Variants in C12orf75 observed in about 807,000 individuals in gnomAD.
C12orf75 encodes the protein overexpressed in colon carcinoma 1 protein.
C12orf75 carries 4 observed loss-of-function variants against 11.4 expected under a neutral mutation model. The observed-to-expected ratio is 0.35, with a 90% CI of 0.17 to 0.80. C12orf75 has a LOEUF of 0.80. Among genes scored for constraint, C12orf75 ranks in the 30% least tolerant of loss-of-function variants. The probability of loss-of-function intolerance (pLI) is 0.52; values close to 1 mark genes in which losing one functional copy is unlikely to be tolerated. For synonymous variants in C12orf75, 30 were observed against 30.0 expected (o/e 1.00, Z 0.00); for missense variants, 89 against 80.4 (o/e 1.11, Z -0.41).
chr12:105,356,215 A>G (rs536655125), intron 2 of C12orf75, among the ~76,000 whole-genome samples: 2 of 152,308 alleles, frequency 1.3e-5, no homozygotes, highest in African/African-American at 4.8e-5. Flanking sequence ...GTTATAAAGA[A>G]AATTAAATAA....
chr12:105,358,808 C>A (rs897906436), intron 2 of C12orf75, among the ~76,000 whole-genome samples: 3 of 152,180 alleles, frequency 2.0e-5, no homozygotes, highest in Non-Finnish European at 4.4e-5. Context: ...AATGGAATCA[C>A]TGCTCAGTAA....
At chr12:105,352,834 C>A (rs1892730069) in intron 2 of C12orf75, among the ~76,000 whole-genome samples, 1 of 152,130 alleles carries the variant, frequency 6.6e-6, no homozygotes, top group African/African-American at 2.4e-5. Flanking sequence ...TTGACAATGT[C>A]TAGAAACTTA....
Position 105,339,914 on chromosome 12 carries a change from C to T in C12orf75, c.47-8688C>T, listed in dbSNP as rs541176208. The stretch of plus-strand genomic sequence containing the variant: ...GGATTACAGGCGTGAGCCACCATGC[C>T]TGGCCCTTGTTTCTTTTAAAAGATA... On this transcript the variant is annotated intron_variant, in intron 1 of 5. Transcript: ENST00000443585. Among the ~76,000 whole-genome samples the T allele has an allele frequency of 4.6e-5, 7 of 152,166 alleles. No individual in the cohort carries two copies. The South Asian group carries it at 1.4e-3, about 32-fold the overall frequency.
At position 105,367,200 on chromosome 12, in the gene C12orf75, G is replaced by A. The variant is rs180711503; in HGVS notation, c.188-272G>A. On this transcript the variant is annotated intron_variant, in intron 4 of 5. Transcript: ENST00000443585. The stretch of plus-strand genomic sequence containing the variant: ...TTCTTGCTCAAGGCAATTTTTAAGC[G>A]AGGCTCATGGTAAACAATGCTGATT... Among the ~76,000 whole-genome samples the A allele has an allele frequency of 3.3e-5, 5 of 152,280 alleles. No individual in the cohort carries two copies. The East Asian group carries it at 7.7e-4, about 23-fold the overall frequency.
At position 105,330,752 on chromosome 12, in the gene C12orf75, G is replaced by C. The variant is rs1892409305; in HGVS notation, c.-140G>C. 2.3e-6 allele frequency: 2 copies of C among 851,614 alleles called. No individual in the cohort carries two copies. The highest frequency in any genetic ancestry group is 3.0e-6 in the Non-Finnish European group (2 of 657,914). The allele number at this position is 851,614 out of a possible 1,614,324, so 52.8% of individuals were successfully genotyped here. A position where few individuals can be genotyped will look rare whatever the true frequency, so the allele number is the denominator to read the frequency against. On this transcript the variant is annotated 5_prime_UTR_variant, in exon 1 of 6. Coordinates refer to ENST00000443585, the MANE Select transcript of C12orf75 (RefSeq NM_001145199.2). ...GGGCCGCGTCTCCCGGCGGTGGGAG[G>C]GGGCGGCCCCCACTCGGTTCCTGGC...
rs144310748 is a variant in C12orf75 at position 105,351,450 on chromosome 12, C to T, written c.71+2824C>T. Among the ~76,000 whole-genome samples, 715 of 152,134 alleles carry T rather than the reference C, an allele frequency of 4.7e-3. 13 individuals are homozygous for T. The highest frequency in any genetic ancestry group is 0.016 in the African/African-American group (662 of 41,518). ...GGAAAGGTCTGCAATTTTTACTACTCGTTTTTCTTATTTATTTGCTGTTTT... is the reference window on the plus strand; with the variant it reads ...GGAAAGGTCTGCAATTTTTACTACTTGTTTTTCTTATTTATTTGCTGTTTT... On this transcript the variant is annotated intron_variant, in intron 2 of 5. Coordinates refer to ENST00000443585, the MANE Select transcript of C12orf75 (RefSeq NM_001145199.2).
At chr12:105,346,790 A>G (rs1892646896) in intron 1 of C12orf75, among the ~76,000 whole-genome samples, 1 of 152,248 alleles carries the variant, frequency 6.6e-6, no homozygotes, top group Non-Finnish European at 1.5e-5. Flanking sequence ...TTTGGCAATA[A>G]CTTTACCCAC....
At chr12:105,340,285 C>T (rs896373332) in intron 1 of C12orf75, among the ~76,000 whole-genome samples, 11 of 151,982 alleles carry the variant, frequency 7.2e-5, no homozygotes, top group East Asian at 3.9e-4. Flanking sequence ...ATTAGCCGGG[C>T]GTGGTGGCAT....
At chr12:105,364,781 A>G (rs1871413650) in intron 2 of C12orf75, among the ~76,000 whole-genome samples, 1 of 151,712 alleles carries the variant, frequency 6.6e-6, no homozygotes, top group Non-Finnish European at 1.5e-5. Flanking sequence ...TGCTTCAAGG[A>G]AAGTGTCCTG....
At chr12:105,335,304 T>G (rs1438750893) in intron 1 of C12orf75, among the ~76,000 whole-genome samples, 1 of 152,218 alleles carries the variant, frequency 6.6e-6, no homozygotes, top group Non-Finnish European at 1.5e-5. Flanking sequence ...GTAGCTATAT[T>G]GGTCCAGGCT....
intron 1 of C12orf75, among the ~76,000 whole-genome samples, chr12:105,346,453 G>A (rs903523069): frequency 2.6e-5 from 4 of 152,070 alleles, no homozygotes; most frequent in African/African-American, 4.8e-5. Flanking sequence ...GTGTATGGTG[G>A]CACTAATTTT....
intron 1 of C12orf75, among the ~76,000 whole-genome samples, chr12:105,336,422 T>C (rs1237660938): frequency 6.6e-6 from 1 of 152,224 alleles, no homozygotes; most frequent in Admixed American, 6.5e-5. Context: ...AGAGAGCCTA[T>C]TGTAGATTCA....
chr12:105,368,794 C>T (rs1210146762), intron 5 of C12orf75, among the ~76,000 whole-genome samples: 1 of 152,182 alleles, frequency 6.6e-6, no homozygotes, highest in Non-Finnish European at 1.5e-5. Flanking sequence ...CTGTGGGTAG[C>T]TACTTCTTTG....
At chr12:105,369,527 G>A (rs931308493) in intron 5 of C12orf75, among the ~76,000 whole-genome samples, 1 of 152,068 alleles carries the variant, frequency 6.6e-6, no homozygotes, top group Non-Finnish European at 1.5e-5. Context: ...GTGCCATGGT[G>A]GTTTGCTGCA....
intron 1 of C12orf75, among the ~76,000 whole-genome samples, chr12:105,340,570 T>G (rs1464509602): frequency 6.6e-6 from 1 of 152,138 alleles, no homozygotes; most frequent in Middle Eastern, 3.2e-3. Context: ...CTCATTTTGC[T>G]CTGTATTTTA....
chr12:105,331,583 T>C (rs1026749493), intron 1 of C12orf75, among the ~76,000 whole-genome samples: 15 of 115,418 alleles, frequency 1.3e-4, no homozygotes, highest in Non-Finnish European at 2.4e-4. Context: ...TTAAGATACT[T>C]TTCATTAAAC....
intron 2 of C12orf75, among the ~76,000 whole-genome samples, chr12:105,358,176 T>C (rs17247907): frequency 0.056 from 8,466 of 152,130 alleles, 292 homozygotes; most frequent in African/African-American, 0.077. Context: ...TGGTCCAAAT[T>C]GGTGAATACA....
At position 105,345,117 on chromosome 12, in the gene C12orf75, A is replaced by G. The variant is rs1273218214; in HGVS notation, c.47-3485A>G. ...TGAAATTCAGGCACAACTGACCAGC[A>G]TTTAACATTAAAACAGACCTTAAGA... is the stretch of plus-strand genomic sequence containing the variant. On this transcript the variant is annotated intron_variant, in intron 1 of 5. Transcript: ENST00000443585. Among the ~76,000 whole-genome samples the G allele has an allele frequency of 2.0e-5, 3 of 152,078 alleles. No individual in the cohort carries two copies. In the East Asian group the frequency reaches 5.8e-4, roughly 29 times the overall value.
intron 5 of C12orf75, 137 bp downstream of exon 5, chr12:105,367,646 T>C: frequency 3.2e-6 from 1 of 308,924 alleles, no homozygotes; most frequent in Non-Finnish European, 6.3e-6. Context: ...TCCTATGGAA[T>C]TGAGTGTGTT....
Sources: allele counts gnomAD v4.1 joint callset (sites outside exome capture counted in the v4.1 genomes callset), GRCh38; gene constraint gnomAD v4.1.1; transcripts MANE v1.5; gene names NCBI Gene and HGNC (gene_info 2026-07-23, HGNC 2026-07-21).